The following ATP6V1G1 variants were observed in gnomAD, a reference collection of about 807,000 sequenced individuals.
ATP6V1G1 encodes ATPase H+ transporting V1 subunit G1, also known as V-type proton ATPase subunit G 1.
Under a neutral mutation model 14.2 loss-of-function variants are expected in ATP6V1G1, and 14 were observed. That is an observed-to-expected ratio of 0.99 (90% CI 0.65 to 1.55). ATP6V1G1 has a LOEUF of 1.55. Ranked by LOEUF, ATP6V1G1 falls within the 40% of genes most tolerant of loss-of-function variation. ATP6V1G1 has a pLI of 0.00. For missense variants in ATP6V1G1, 137 were observed against 146.4 expected, an observed-to-expected ratio of 0.94 and a Z score of 0.33; for synonymous variants, 65 against 53.3, an observed-to-expected ratio of 1.22 and a Z score of -0.96.
chr9:114,596,366 C>T (rs1344111815), intron 2 of ATP6V1G1, among the ~76,000 whole-genome samples: 13 of 139,134 alleles, frequency 9.3e-5, no homozygotes, highest in African/African-American at 3.3e-4. Context: ...CCAGCCTGGA[C>T]GACAGAGCGA....
At chr9:114,593,686 A>T (rs1161467570) in intron 2 of ATP6V1G1, among the ~76,000 whole-genome samples, 1 of 151,760 alleles carries the variant, frequency 6.6e-6, no homozygotes. Context: ...TTTTGTAGAG[A>T]TAGGGTCTTG....
At chr9:114,591,709 G>T (rs560045217) in intron 1 of ATP6V1G1, among the ~76,000 whole-genome samples, 10 of 152,044 alleles carry the variant, frequency 6.6e-5, no homozygotes, top group Non-Finnish European at 1.5e-4. Context: ...CTAGACAGTT[G>T]GTATACAATG....
At chr9:114,588,054 C>A in intron 1 of ATP6V1G1, 134 bp downstream of exon 1, 1 of 1,010,896 alleles carries the variant, frequency 9.9e-7, no homozygotes, top group Non-Finnish European at 1.4e-6. Flanking sequence ...TTGTGTGTTT[C>A]GAAGCTTTGA....
At chr9:114,591,092 C>A (rs547147705) in intron 1 of ATP6V1G1, among the ~76,000 whole-genome samples, 1 of 152,126 alleles carries the variant, frequency 6.6e-6, no homozygotes, top group Non-Finnish European at 1.5e-5. Flanking sequence ...GCGCGCCCGG[C>A]GTGGACCTTA....
intron 1 of ATP6V1G1, among the ~76,000 whole-genome samples, chr9:114,589,795 G>T (rs1284831315): frequency 6.6e-6 from 1 of 151,988 alleles, no homozygotes; most frequent in East Asian, 1.9e-4. Context: ...GAATAGGTAA[G>T]AATAATTCTG....
At position 114,598,596 on chromosome 9, in the gene ATP6V1G1, C is replaced by T. The variant is rs549988139; in HGVS notation, c.*853C>T. The stretch of plus-strand genomic sequence containing the variant: ...TTCCAACAAATGTTTTGGAAAACAG[C>T]AAGCAACTAGTCTGTAGGTTGTCTT... On this transcript the variant is annotated 3_prime_UTR_variant, in exon 3 of 3. Coordinates refer to ENST00000374050, the MANE Select transcript of ATP6V1G1 (RefSeq NM_004888.4). 1.3e-5 allele frequency among the ~76,000 whole-genome samples: 2 copies of T among 152,246 alleles called. No homozygotes were observed. Among genetic ancestry groups the T allele is most frequent in the East Asian group, 1.9e-4 (1 of 5,190 alleles).
At chr9:114,589,791 G>T (rs1469066799) in intron 1 of ATP6V1G1, among the ~76,000 whole-genome samples, 1 of 152,146 alleles carries the variant, frequency 6.6e-6, no homozygotes, top group Non-Finnish European at 1.5e-5. Context: ...CTTGGAATAG[G>T]TAAGAATAAT....
intron 1 of ATP6V1G1, among the ~76,000 whole-genome samples, chr9:114,589,576 G>T (rs1248544432): frequency 2.0e-5 from 3 of 152,198 alleles, no homozygotes; most frequent in Admixed American, 2.0e-4. Context: ...TTCTTTGAGG[G>T]TGTTGGGAAT....
chr9:114,587,888 G>T lies in ATP6V1G1; in HGVS notation c.50G>T (p.Arg17Leu). ...GIQQLLQAEK[R>L]AAEKVSEARK... Reference sequence around the variant, plus strand: ...CAGCAGCTGCTGCAGGCCGAGAAGCGGGCAGCCGAGAAGGTGTCCGAGGCC... The same window carrying T: ...CAGCAGCTGCTGCAGGCCGAGAAGCTGGCAGCCGAGAAGGTGTCCGAGGCC... Residue 17 changes from arginine to leucine, a missense_variant, in exon 1 of 3, where the codon CGG becomes CTG. By Grantham distance (102) the Arg-to-Leu change is moderately radical (BLOSUM62 -2). Coordinates refer to ENST00000374050, the MANE Select transcript of ATP6V1G1 (RefSeq NM_004888.4). 1 of 1,590,432 alleles carries T rather than the reference G, an allele frequency of 6.3e-7. No homozygotes were observed. Among genetic ancestry groups the T allele is most frequent in the Non-Finnish European group, 8.6e-7 (1 of 1,169,142 alleles).
chr9:114,589,793 A>G (rs1845165150), intron 1 of ATP6V1G1, among the ~76,000 whole-genome samples: 1 of 151,950 alleles, frequency 6.6e-6, no homozygotes, highest in African/African-American at 2.4e-5. Context: ...TGGAATAGGT[A>G]AGAATAATTC....
At chr9:114,593,505 T>C (rs1443569346) in intron 2 of ATP6V1G1, among the ~76,000 whole-genome samples, 1 of 152,146 alleles carries the variant, frequency 6.6e-6, no homozygotes, top group Non-Finnish European at 1.5e-5. Context: ...TTTTATTTTT[T>C]CTTTTTAAGA....
chr9:114,588,941 G>T (rs767760802), intron 1 of ATP6V1G1, among the ~76,000 whole-genome samples: 1 of 152,180 alleles, frequency 6.6e-6, no homozygotes, highest in Non-Finnish European at 1.5e-5. Context: ...GGCTCTTGTG[G>T]GTCAGGCCTG....
chr9:114,592,788 T>G, intron 2 of ATP6V1G1, 136 bp downstream of exon 2: 1 of 827,620 alleles, frequency 1.2e-6, no homozygotes, highest in Non-Finnish European at 1.9e-6. Context: ...TATTGGCTGC[T>G]CAGGCATCTG....
chr9:114,588,371 C>G (rs1845148902), intron 1 of ATP6V1G1, among the ~76,000 whole-genome samples: 2 of 152,046 alleles, frequency 1.3e-5, no homozygotes, highest in Admixed American at 1.3e-4. Flanking sequence ...TCCCCCATGT[C>G]TACTACCAGC....
chr9:114,591,900 T>TA (rs1845185747), intron 1 of ATP6V1G1, among the ~76,000 whole-genome samples: 1 of 152,004 alleles, frequency 6.6e-6, no homozygotes, highest in Non-Finnish European at 1.5e-5. Context: ...TGACCAAACC[T>TA]AGAGATTTTT....
At chr9:114,596,164 A>G (rs1437075165) in intron 2 of ATP6V1G1, among the ~76,000 whole-genome samples, 1 of 152,092 alleles carries the variant, frequency 6.6e-6, no homozygotes, top group Non-Finnish European at 1.5e-5. Context: ...CAGATGGATC[A>G]TGAGGTCAGG....
intron 2 of ATP6V1G1, 154 bp downstream of exon 2, chr9:114,592,806 G>A: frequency 1.4e-6 from 1 of 717,536 alleles, no homozygotes; most frequent in Non-Finnish European, 2.3e-6. Flanking sequence ...CTGTCTTTTA[G>A]GATGATCAGT....
chr9:114,590,073 G>A (rs984318812), intron 1 of ATP6V1G1, among the ~76,000 whole-genome samples: 6 of 151,568 alleles, frequency 4.0e-5, no homozygotes, highest in African/African-American at 1.2e-4. Context: ...TGGTGTGCGC[G>A]TGTAGTCCCA....
chr9:114,587,951 G>C, intron 1 of ATP6V1G1, 31 bp downstream of exon 1: 1 of 1,554,060 alleles, frequency 6.4e-7, no homozygotes, highest in Non-Finnish European at 8.7e-7. Flanking sequence ...GCCCGGCGTG[G>C]CGCGAGTCGA....
Sources: allele counts gnomAD v4.1 joint callset (sites outside exome capture counted in the v4.1 genomes callset), GRCh38; gene constraint gnomAD v4.1.1; transcripts MANE v1.5; gene names NCBI Gene and HGNC (gene_info 2026-07-23, HGNC 2026-07-21).